The following DTNBP1 variants were observed in gnomAD, a reference collection of about 807,000 sequenced individuals.
DTNBP1 encodes dysbindin.
DTNBP1 carries 35 observed loss-of-function variants against 42.8 expected under a neutral mutation model. The observed-to-expected ratio is 0.82, with a 90% CI of 0.63 to 1.09. The LOEUF is 1.09. Among genes scored for constraint, DTNBP1 ranks in the 50% least tolerant of loss-of-function variants. The probability of loss-of-function intolerance (pLI) is 0.00; values close to 1 mark genes in which losing one functional copy is unlikely to be tolerated. For missense variants in DTNBP1, 457 were observed against 424.2 expected (o/e 1.08, Z -0.68); for synonymous variants, 171 against 162.2 (o/e 1.05, Z -0.41).
intron 3 of DTNBP1, among the ~76,000 whole-genome samples, chr6:15,642,186 C>T (rs1230324766): frequency 6.6e-6 from 1 of 152,212 alleles, no homozygotes; most frequent in Non-Finnish European, 1.5e-5. Flanking sequence ...GAGTTGTCTG[C>T]TCCCATCTGG....
intron 7 of DTNBP1, among the ~76,000 whole-genome samples, chr6:15,539,701 G>C (rs1257920680): frequency 6.6e-6 from 1 of 152,200 alleles, no homozygotes; most frequent in Admixed American, 6.5e-5. Flanking sequence ...ACTTCTCAGA[G>C]ATCCTGGTAC....
At chr6:15,579,024 G>A (rs1268638634) in intron 7 of DTNBP1, among the ~76,000 whole-genome samples, 7 of 152,154 alleles carry the variant, frequency 4.6e-5, no homozygotes, top group Admixed American at 1.3e-4. Flanking sequence ...GAATTACCAC[G>A]ATTCAGCAAT....
intron 7 of DTNBP1, among the ~76,000 whole-genome samples, chr6:15,589,700 C>T (rs958545069): frequency 1.3e-5 from 2 of 152,176 alleles, no homozygotes; most frequent in Non-Finnish European, 2.9e-5. Flanking sequence ...ATCAGCCATC[C>T]TTTCCTTCTC....
chr6:15,533,152 GC>G, intron 8 of DTNBP1, 87 bp downstream of exon 8: 9 of 1,581,932 alleles, frequency 5.7e-6, no homozygotes, highest in Non-Finnish European at 7.7e-6. Flanking sequence ...TGAGGATTCT[GC>G]CCCATGCCCT....
rs764210893 is a variant in DTNBP1, at chr6:15,663,003, G to A, written c.-134C>T. ...CCACTACCGGCCCCGCCCCCGGTCT[G>A]GTCCTCGCCGCCGCGCCGCAACCCC... On this transcript the variant is annotated 5_prime_UTR_variant, in exon 1 of 10. Coordinates refer to ENST00000344537, the MANE Select transcript of DTNBP1 (RefSeq NM_032122.5). 2 of 1,286,612 alleles carry A rather than the reference G, an allele frequency of 1.6e-6. No homozygotes were observed. Among genetic ancestry groups the A allele is most frequent in the Non-Finnish European group, 1.1e-6 (1 of 929,344 alleles). The allele number at this position is 1,286,612 out of a possible 1,614,324, so 79.7% of individuals were successfully genotyped here.
At chr6:15,589,192 T>C (rs2113612573) in intron 7 of DTNBP1, among the ~76,000 whole-genome samples, 1 of 152,294 alleles carries the variant, frequency 6.6e-6, no homozygotes, top group African/African-American at 2.4e-5. Flanking sequence ...ATAAGCCACA[T>C]CCACGAGTCA....
intron 9 of DTNBP1, 113 bp downstream of exon 9, chr6:15,524,413 G>C (rs1026590542): frequency 3.7e-6 from 6 of 1,614,080 alleles, no homozygotes; most frequent in Non-Finnish European, 5.1e-6. Flanking sequence ...AGCTGGCTGT[G>C]AGCTTGGGGG....
chr6:15,637,350 C>A (rs1192176836), intron 4 of DTNBP1, among the ~76,000 whole-genome samples: 1 of 152,040 alleles, frequency 6.6e-6, no homozygotes, highest in East Asian at 1.9e-4. Context: ...ATAGACTGAG[C>A]AAAGTTAAGT....
rs34473285 is a variant in DTNBP1, at chr6:15,576,769, T to TAA, written c.511+16288_511+16289dup. 2.4e-3 allele frequency among the ~76,000 whole-genome samples: 236 copies of TAA among 99,020 alleles called. 3 individuals carry two copies. Among genetic ancestry groups the TAA allele is most frequent in the Middle Eastern group, 0.022 (4 of 182 alleles). 65.0% of individuals were successfully genotyped at this position (99,020 alleles called of 152,430 possible). ...AAATGACAGAGCACAACTCTGTCTC[T>TAA]AAAAAAAAAAAAAAAAAAAAAGTTG... On this transcript the variant is annotated intron_variant, in intron 7 of 9. Transcript: ENST00000344537.
At chr6:15,529,823 C>T (rs928657842) in intron 8 of DTNBP1, among the ~76,000 whole-genome samples, 1 of 152,276 alleles carries the variant, frequency 6.6e-6, no homozygotes, top group Non-Finnish European at 1.5e-5. Context: ...GAAGATCAAA[C>T]CTGGGCTAGG....
At chr6:15,538,703 A>C (rs1484498630) in intron 7 of DTNBP1, among the ~76,000 whole-genome samples, 2 of 152,184 alleles carry the variant, frequency 1.3e-5, no homozygotes, top group African/African-American at 4.8e-5. Flanking sequence ...GCCTTACCTT[A>C]CGTAAATATT....
intron 3 of DTNBP1, among the ~76,000 whole-genome samples, chr6:15,646,041 C>G (rs889516119): frequency 1.3e-5 from 2 of 151,916 alleles, no homozygotes; most frequent in African/African-American, 4.8e-5. Flanking sequence ...ACCCAGAAAA[C>G]CCTAAAGAAT....
chr6:15,526,573 C>T (rs1020737684), intron 8 of DTNBP1, among the ~76,000 whole-genome samples: 2 of 152,328 alleles, frequency 1.3e-5, no homozygotes, highest in South Asian at 2.1e-4. Flanking sequence ...CCAGCCTGCT[C>T]TGCCTCGGAC....
At chr6:15,636,157 C>CTTTTTTTTTTTTTTTTTTTT (rs70996562) in intron 4 of DTNBP1, among the ~76,000 whole-genome samples, 1 of 127,028 alleles carries the variant, frequency 7.9e-6, no homozygotes. Flanking sequence ...TTACCTGCAC[C>CTTTTTTTTTTTTTTTTTTTT]TTTTTTTTTT....
At chr6:15,570,864 T>G (rs1775309767) in intron 7 of DTNBP1, among the ~76,000 whole-genome samples, 1 of 152,144 alleles carries the variant, frequency 6.6e-6, no homozygotes, top group African/African-American at 2.4e-5. Context: ...TAAAGACCAA[T>G]TCAAAACCAC....
At chr6:15,595,250 C>CTTTTTTTT (rs561001975) in intron 6 of DTNBP1, 9 of 310,482 alleles carry the variant, frequency 2.9e-5, no homozygotes, top group African/African-American at 3.9e-5. Flanking sequence ...TATTATGCAA[C>CTTTTTTTT]TTTTTTTTTT....
At chr6:15,658,666 C>T (rs1459889662) in intron 1 of DTNBP1, among the ~76,000 whole-genome samples, 1 of 152,188 alleles carries the variant, frequency 6.6e-6, no homozygotes, top group Admixed American at 6.5e-5. Context: ...ATCCTGAGGC[C>T]TTTGGTCGTA....
chr6:15,548,090 A>G (rs1360085269), intron 7 of DTNBP1, among the ~76,000 whole-genome samples: 1 of 152,218 alleles, frequency 6.6e-6, no homozygotes, highest in Non-Finnish European at 1.5e-5. Context: ...CTCCAACAGT[A>G]TAACAAAGCT....
intron 1 of DTNBP1, among the ~76,000 whole-genome samples, chr6:15,661,756 C>G (rs1761647089): frequency 1.3e-5 from 2 of 152,162 alleles, no homozygotes; most frequent in South Asian, 4.1e-4. Flanking sequence ...AGATCCTTTT[C>G]AAAGACAGAT....
Sources: allele counts gnomAD v4.1 joint callset (sites outside exome capture counted in the v4.1 genomes callset), GRCh38; gene constraint gnomAD v4.1.1; transcripts MANE v1.5; gene names NCBI Gene and HGNC (gene_info 2026-07-23, HGNC 2026-07-21).